Variants in ABCB1 observed in about 807,000 individuals in gnomAD.
ABCB1 encodes the protein ATP-dependent translocase ABCB1.
ABCB1 carries 69 observed loss-of-function variants against 142.0 expected under a neutral mutation model. That is an observed-to-expected ratio of 0.49 (90% CI 0.40 to 0.59). The LOEUF (loss-of-function observed/expected upper bound fraction) is 0.59. Among genes scored for constraint, ABCB1 ranks in the 20% least tolerant of loss-of-function variants. The pLI is 0.00. For synonymous variants in ABCB1, 532 were observed against 539.2 expected (o/e 0.99, Z 0.18); for missense variants, 1,326 against 1,554.7 (o/e 0.85, Z 2.47).
intron 15 of ABCB1, among the ~76,000 whole-genome samples, 161 bp downstream of exon 15, chr7:87,545,702 G>A (rs549284466): frequency 1.3e-5 from 2 of 152,072 alleles, no homozygotes; most frequent in East Asian, 3.9e-4. Context: ...CCTCTTTCAA[G>A]AGAGAAAAAA....
At chr7:87,679,597 C>T (rs1156870820) in intron 1 of ABCB1, among the ~76,000 whole-genome samples, 2 of 150,000 alleles carry the variant, frequency 1.3e-5, no homozygotes, top group Non-Finnish European at 3.0e-5. Flanking sequence ...ACTATGTTGC[C>T]CTGGCTGGTC....
intron 1 of ABCB1, among the ~76,000 whole-genome samples, chr7:87,707,790 T>C (rs1829741751): frequency 6.6e-6 from 1 of 152,178 alleles, no homozygotes; most frequent in African/African-American, 2.4e-5. Context: ...CCATAGTTTA[T>C]CTCAGTGAAT....
chr7:87,525,998 GTT>G (rs1815766647), intron 21 of ABCB1, among the ~76,000 whole-genome samples: 1 of 152,136 alleles, frequency 6.6e-6, no homozygotes, highest in South Asian at 2.1e-4. Flanking sequence ...ATTGCGTAAA[GTT>G]AGTTTTCTGG....
intron 1 of ABCB1, among the ~76,000 whole-genome samples, chr7:87,691,584 A>G (rs1828018563): frequency 6.6e-6 from 1 of 152,218 alleles, no homozygotes; most frequent in Non-Finnish European, 1.5e-5. Context: ...TCTACAAACA[A>G]GCCCTGGGCC....
chr7:87,564,272 T>A (rs2129797004), intron 7 of ABCB1: 5 of 335,686 alleles, frequency 1.5e-5, no homozygotes. Context: ...GAGCTGTGGT[T>A]CCAGGAGCGG....
At chr7:87,702,099 C>T (rs1269776822) in intron 1 of ABCB1, among the ~76,000 whole-genome samples, 1 of 131,470 alleles carries the variant, frequency 7.6e-6, no homozygotes, top group Admixed American at 8.5e-5. Flanking sequence ...GCAGAGATCG[C>T]GCCACTGCAC....
At chr7:87,645,851 A>G (rs1016636358) in intron 1 of ABCB1, among the ~76,000 whole-genome samples, 21 of 151,746 alleles carry the variant, frequency 1.4e-4, no homozygotes, top group African/African-American at 5.1e-4. Flanking sequence ...AAAGTGAAGC[A>G]TAGACTCTAA....
At chr7:87,585,377 T>C (rs886607033) in intron 4 of ABCB1, 135 bp downstream of exon 4, 10 of 847,222 alleles carry the variant, frequency 1.2e-5, no homozygotes, top group Non-Finnish European at 1.7e-5. Context: ...CAAATATGAA[T>C]TATAACTCAG....
At chr7:87,614,424 GAAGA>G (rs941699160) in intron 1 of ABCB1, among the ~76,000 whole-genome samples, 3 of 151,272 alleles carry the variant, frequency 2.0e-5, no homozygotes, top group African/African-American at 4.9e-5. Flanking sequence ...AAGAAAGAAA[GAAGA>G]AAGAGAGAAA....
At chr7:87,519,985 G>T (rs769026824) in intron 22 of ABCB1, among the ~76,000 whole-genome samples, 3 of 152,104 alleles carry the variant, frequency 2.0e-5, no homozygotes, top group Admixed American at 6.5e-5. Flanking sequence ...AGGAAGAAAG[G>T]AGAAGCACTA....
chr7:87,657,382 G>A (rs371351065), intron 1 of ABCB1, among the ~76,000 whole-genome samples: 5 of 152,078 alleles, frequency 3.3e-5, no homozygotes, highest in Admixed American at 6.6e-5. Flanking sequence ...CTTTTCAGCC[G>A]TATCTGCTCT....
At chr7:87,509,899 C>A (rs925200826) in intron 25 of ABCB1, among the ~76,000 whole-genome samples, 3 of 152,218 alleles carry the variant, frequency 2.0e-5, no homozygotes, top group East Asian at 3.9e-4. Context: ...GGGCTCTTAA[C>A]TGAAGAAGAA....
At chr7:87,521,692 T>C (rs1196283085) in intron 21 of ABCB1, 4 of 957,740 alleles carry the variant, frequency 4.2e-6, no homozygotes, top group South Asian at 3.8e-5. Context: ...TGCAAGGCCA[T>C]ACAAGGTGGA....
At chr7:87,606,484 T>C (rs1819657212) in intron 1 of ABCB1, among the ~76,000 whole-genome samples, 1 of 152,130 alleles carries the variant, frequency 6.6e-6, no homozygotes, top group Non-Finnish European at 1.5e-5. Flanking sequence ...CTTTATTTTA[T>C]AACAGTGAAA....
chr7:87,636,640 T>C (rs1433346384), intron 1 of ABCB1, among the ~76,000 whole-genome samples: 2 of 152,266 alleles, frequency 1.3e-5, no homozygotes, highest in Non-Finnish European at 1.5e-5. Flanking sequence ...TCCAAAGTAA[T>C]GAAAATATTC....
intron 1 of ABCB1, among the ~76,000 whole-genome samples, chr7:87,674,130 G>C (rs911798758): frequency 2.6e-5 from 4 of 152,206 alleles, no homozygotes; most frequent in Non-Finnish European, 4.4e-5. Flanking sequence ...ACTCCTATGG[G>C]TGGTACCGGC....
rs531395895 is a variant in ABCB1, at chr7:87,556,683, T to G, written c.828-2751A>C. ...CTGCCGGCCTCCCCACTGGTCTCCCTGCTTCCACCCTTTGACTTCTCGCAT... is the reference window on the plus strand; with the variant it reads ...CTGCCGGCCTCCCCACTGGTCTCCCGGCTTCCACCCTTTGACTTCTCGCAT... On this transcript the variant is annotated intron_variant, in intron 8 of 27. Transcript: ENST00000622132. Among the ~76,000 whole-genome samples, 8 of 152,332 alleles carry G rather than the reference T, an allele frequency of 5.3e-5. No individual in the cohort carries two copies. The East Asian group carries it at 1.5e-3, about 29-fold the overall frequency.
At chr7:87,658,772 A>G (rs1824394524) in intron 1 of ABCB1, among the ~76,000 whole-genome samples, 2 of 152,220 alleles carry the variant, frequency 1.3e-5, no homozygotes, top group Non-Finnish European at 2.9e-5. Flanking sequence ...ATTATTCTTC[A>G]GCAATGAAGG....
At chr7:87,625,616 G>A (rs1820387940) in intron 1 of ABCB1, among the ~76,000 whole-genome samples, 1 of 152,140 alleles carries the variant, frequency 6.6e-6, no homozygotes, top group East Asian at 1.9e-4. Flanking sequence ...CATTGCCAGC[G>A]CAAATATTTT....
Sources: allele counts gnomAD v4.1 joint callset (sites outside exome capture counted in the v4.1 genomes callset), GRCh38; gene constraint gnomAD v4.1.1; transcripts MANE v1.5; gene names NCBI Gene and HGNC (gene_info 2026-07-23, HGNC 2026-07-21).